PPFIA2: variants seen among roughly 807,000 people sequenced by gnomAD.
PPFIA2 encodes PPFI scaffold protein A2.
In PPFIA2, 46 loss-of-function variants were observed where a neutral mutation model predicts 175.5. The ratio of observed to expected loss-of-function variants is 0.26; its 90% confidence interval spans 0.21 to 0.34. The LOEUF (loss-of-function observed/expected upper bound fraction) is 0.34. PPFIA2 is among the 10% of genes least tolerant of loss of function. The pLI, the probability that PPFIA2 is intolerant of heterozygous loss-of-function variation, is 1.00. For synonymous variants in PPFIA2, 568 were observed against 511.4 expected (o/e 1.11, Z -1.49); for missense variants, 1,179 against 1,506.1 (o/e 0.78, Z 3.60).
intron 22 of PPFIA2, among the ~76,000 whole-genome samples, chr12:81,319,887 C>T (rs1450430324): frequency 6.6e-6 from 1 of 151,818 alleles, no homozygotes; most frequent in Non-Finnish European, 1.5e-5. Context: ...CTTCTTTTTG[C>T]TTTATCTACC....
chr12:81,610,985 A>G (rs1490581296), intron 4 of PPFIA2, among the ~76,000 whole-genome samples: 1 of 152,130 alleles, frequency 6.6e-6, no homozygotes, highest in African/African-American at 2.4e-5. Context: ...GTATATATTA[A>G]TAGGATAATT....
intron 7 of PPFIA2, among the ~76,000 whole-genome samples, chr12:81,406,355 A>G (rs2042930922): frequency 6.6e-6 from 1 of 152,184 alleles, no homozygotes. Context: ...CTACACTGAT[A>G]GCCCATCTGC....
intron 4 of PPFIA2, among the ~76,000 whole-genome samples, chr12:81,654,274 GA>G (rs2067452636): frequency 1.3e-5 from 2 of 151,898 alleles, no homozygotes; most frequent in African/African-American, 4.8e-5. Context: ...ATTTTATACT[GA>G]TTTTTTTTCT....
chr12:81,611,722 G>T (rs1166148905), intron 4 of PPFIA2, among the ~76,000 whole-genome samples: 1 of 152,136 alleles, frequency 6.6e-6, no homozygotes, highest in Non-Finnish European at 1.5e-5. Context: ...GGGGAGTGGG[G>T]AGGCGGGCCC....
chr12:81,757,354 G>A (rs2084850878), intron 2 of PPFIA2, among the ~76,000 whole-genome samples: 1 of 151,994 alleles, frequency 6.6e-6, no homozygotes, highest in African/African-American at 2.4e-5. Context: ...GCCAGAAAGG[G>A]CATTTTAACA....
At chr12:81,725,598 T>C (rs1353752393) in intron 3 of PPFIA2, among the ~76,000 whole-genome samples, 1 of 150,804 alleles carries the variant, frequency 6.6e-6, no homozygotes, top group Non-Finnish European at 1.5e-5. Flanking sequence ...ATCTAACTCA[T>C]AAAGTTAGAA....
At chr12:81,655,102 G>A (rs1167134575) in intron 4 of PPFIA2, among the ~76,000 whole-genome samples, 1 of 151,950 alleles carries the variant, frequency 6.6e-6, no homozygotes, top group East Asian at 1.9e-4. Context: ...TATAAATTCT[G>A]TTGAAAATAT....
intron 6 of PPFIA2, among the ~76,000 whole-genome samples, chr12:81,442,899 A>ATATATATG (rs61555735): frequency 2.5e-5 from 2 of 81,436 alleles, no homozygotes; most frequent in East Asian, 3.5e-4. Context: ...ATATATATAT[A>ATATATATG]GTATTACTTG....
intron 8 of PPFIA2, among the ~76,000 whole-genome samples, chr12:81,396,156 C>T (rs1344708994): frequency 1.3e-5 from 2 of 151,894 alleles, no homozygotes; most frequent in Non-Finnish European, 2.9e-5. Context: ...TAAAGTTAAT[C>T]ATTAAAACAG....
chr12:81,598,107 C>T lies in PPFIA2; in HGVS notation c.303+78684G>A, dbSNP rs897007560. ...AGAGAGCTTAGCGTACAGATAAATCCGTGCATGCATTGAGGGAGACTAGAG... is the reference window on the plus strand; with the variant it reads ...AGAGAGCTTAGCGTACAGATAAATCTGTGCATGCATTGAGGGAGACTAGAG... On this transcript the variant is annotated intron_variant, in intron 4 of 32. Transcript: ENST00000549396. The T allele has an allele frequency of 5.0e-5, 77 of 1,528,756 alleles. No homozygotes were observed. The East Asian group carries it at 7.4e-4, about 15-fold the overall frequency. The allele number at this position is 1,528,756 out of a possible 1,614,324, so 94.7% of individuals were successfully genotyped here.
chr12:81,585,211 T>C (rs2075141170), intron 4 of PPFIA2, among the ~76,000 whole-genome samples: 1 of 148,940 alleles, frequency 6.7e-6, no homozygotes, highest in Non-Finnish European at 1.5e-5. Context: ...GGTGAGTGAG[T>C]GGTTGGTGAA....
chr12:81,418,992 G>C (rs2045805150), intron 7 of PPFIA2, among the ~76,000 whole-genome samples: 1 of 151,866 alleles, frequency 6.6e-6, no homozygotes, highest in Admixed American at 6.6e-5. Flanking sequence ...AATGTCAATT[G>C]CATTTTCAAT....
At chr12:81,593,090 A>G (rs1200843603) in intron 4 of PPFIA2, among the ~76,000 whole-genome samples, 2 of 152,096 alleles carry the variant, frequency 1.3e-5, no homozygotes, top group Non-Finnish European at 2.9e-5. Context: ...TCTTCATGCA[A>G]TTGAGATTTT....
intron 11 of PPFIA2, among the ~76,000 whole-genome samples, chr12:81,369,629 C>T (rs747013014): frequency 1.6e-4 from 24 of 151,862 alleles, no homozygotes; most frequent in Admixed American, 1.1e-3. Flanking sequence ...TACCTTCCTA[C>T]GTATGGAGAT....
chr12:81,727,863 T>C (rs2080298601), intron 3 of PPFIA2, among the ~76,000 whole-genome samples: 1 of 151,394 alleles, frequency 6.6e-6, no homozygotes, highest in Non-Finnish European at 1.5e-5. Context: ...TAGTACTAGT[T>C]GCATGGCTCT....
intron 3 of PPFIA2, among the ~76,000 whole-genome samples, chr12:81,695,000 C>T (rs765187850): frequency 2.0e-5 from 3 of 152,068 alleles, no homozygotes; most frequent in Non-Finnish European, 4.4e-5. Context: ...GCTAATTTCT[C>T]CTTATTGGAG....
intron 4 of PPFIA2, among the ~76,000 whole-genome samples, chr12:81,548,235 G>C (rs2067292493): frequency 6.6e-6 from 1 of 152,134 alleles, no homozygotes. Context: ...TGCCTATATA[G>C]TAAGAGGGGA....
At chr12:81,581,355 T>G (rs1308322667) in intron 4 of PPFIA2, among the ~76,000 whole-genome samples, 1 of 151,708 alleles carries the variant, frequency 6.6e-6, no homozygotes, top group Non-Finnish European at 1.5e-5. Flanking sequence ...GGGCTGTGAG[T>G]ACAGTTAAAC....
At chr12:81,512,787 A>T (rs192110230) in intron 4 of PPFIA2, among the ~76,000 whole-genome samples, 9 of 152,182 alleles carry the variant, frequency 5.9e-5, no homozygotes, top group African/African-American at 1.7e-4. Context: ...TGAGAACAAA[A>T]TATTGTATTT....
Sources: gnomAD v4.1 joint callset for allele counts (sites outside exome capture counted in the v4.1 genomes callset) on GRCh38, gnomAD v4.1.1 for gene constraint, MANE v1.5 for transcripts, NCBI Gene and HGNC (gene_info 2026-07-23, HGNC 2026-07-21) for gene names.